Variants in AKAP19 observed in about 807,000 individuals in gnomAD.
The protein encoded by AKAP19 is A-kinase anchoring protein 19, also known as small A-kinase anchoring protein.
At chr2:190,130,288 G>A in the AKAP19 span, among the ~76,000 whole-genome samples, 1 of 152,018 alleles carries the variant, frequency 6.6e-6, no homozygotes, top group Admixed American at 6.6e-5. Context: ...TTTTAACTGG[G>A]GAAAAGGCCT....
the AKAP19 span, among the ~76,000 whole-genome samples, chr2:190,183,614 C>T: frequency 6.6e-6 from 1 of 151,926 alleles, no homozygotes; most frequent in African/African-American, 2.4e-5. Flanking sequence ...CTAATTCTTT[C>T]TTTTAATTTT....
At chr2:190,108,792 T>TG in the AKAP19 span, among the ~76,000 whole-genome samples, 11 of 151,386 alleles carry the variant, frequency 7.3e-5, no homozygotes, top group East Asian at 2.1e-3. Context: ...GGTTTTTTTT[T>TG]TTTTTTTTTT....
the AKAP19 span, among the ~76,000 whole-genome samples, chr2:190,029,749 A>T: frequency 6.6e-6 from 1 of 152,216 alleles, no homozygotes; most frequent in African/African-American, 2.4e-5. Flanking sequence ...TTATTTACAG[A>T]AACAGGCAGC....
the AKAP19 span, among the ~76,000 whole-genome samples, chr2:190,129,231 G>A: frequency 6.6e-6 from 1 of 152,106 alleles, no homozygotes; most frequent in African/African-American, 2.4e-5. Flanking sequence ...TCTGGATTAT[G>A]TCTAAACTTT....
At chr2:189,973,682 G>A in the AKAP19 span, among the ~76,000 whole-genome samples, 8 of 152,106 alleles carry the variant, frequency 5.3e-5, no homozygotes, top group East Asian at 3.9e-4. Flanking sequence ...GGTTATTCAG[G>A]GATTCAACTT....
the AKAP19 span, among the ~76,000 whole-genome samples, chr2:189,943,543 C>T: frequency 1.3e-4 from 20 of 152,336 alleles, no homozygotes; most frequent in Non-Finnish European, 2.6e-4. Flanking sequence ...TTGGAGCCCC[C>T]ACACAGAGTC....
the AKAP19 span, among the ~76,000 whole-genome samples, chr2:190,114,917 A>C: frequency 6.6e-6 from 1 of 151,862 alleles, no homozygotes; most frequent in Admixed American, 6.6e-5. Flanking sequence ...GGAAGCTTTT[A>C]GAATTTTCTT....
the AKAP19 span, among the ~76,000 whole-genome samples, chr2:190,061,935 G>A: frequency 1.3e-5 from 2 of 151,818 alleles, no homozygotes; most frequent in Admixed American, 6.6e-5. Context: ...TGCCTTGGTG[G>A]TATTATTGTG....
At chr2:190,051,255 G>A in the AKAP19 span, among the ~76,000 whole-genome samples, 3 of 152,032 alleles carry the variant, frequency 2.0e-5, no homozygotes, top group Non-Finnish European at 4.4e-5. Flanking sequence ...CATACTCATG[G>A]GTCTTGTCCA....
At chr2:190,042,453 CA>C in the AKAP19 span, among the ~76,000 whole-genome samples, 2 of 148,162 alleles carry the variant, frequency 1.3e-5, no homozygotes, top group Admixed American at 6.7e-5. Context: ...TTTTTTTTTT[CA>C]AAAAAACAAC....
the AKAP19 span, among the ~76,000 whole-genome samples, chr2:190,104,978 GAACA>G: frequency 6.6e-6 from 1 of 152,056 alleles, no homozygotes; most frequent in Middle Eastern, 3.2e-3. Flanking sequence ...ATTAAAAAAT[GAACA>G]AACAGCAAAT....
chr2:190,029,629 G>A, the AKAP19 span, among the ~76,000 whole-genome samples: 1 of 152,260 alleles, frequency 6.6e-6, no homozygotes, highest in Non-Finnish European at 1.5e-5. Flanking sequence ...AACATTTTAA[G>A]TTTTGTGGGT....
At chr2:190,001,783 A>T in the AKAP19 span, among the ~76,000 whole-genome samples, 2 of 152,146 alleles carry the variant, frequency 1.3e-5, no homozygotes, top group Admixed American at 1.3e-4. Context: ...TTAGTCTCCT[A>T]TGTGCACATA....
chr2:190,191,482 T>C, the AKAP19 span, among the ~76,000 whole-genome samples: 5 of 152,222 alleles, frequency 3.3e-5, no homozygotes, highest in African/African-American at 1.2e-4. Context: ...AATTTTCATG[T>C]ATCTAGGGTA....
the AKAP19 span, among the ~76,000 whole-genome samples, chr2:190,192,452 CTGTGTGTG>C: frequency 6.8e-3 from 985 of 145,354 alleles, 10 homozygotes; most frequent in African/African-American, 0.02. Flanking sequence ...AATTCAGAAT[CTGTGTGTG>C]TGTGTGTGTG....
chr2:190,015,998 A>C, the AKAP19 span, among the ~76,000 whole-genome samples: 1 of 152,310 alleles, frequency 6.6e-6, no homozygotes, highest in Admixed American at 6.5e-5. Flanking sequence ...CATTGTCTAC[A>C]TCATCATCAG....
At chr2:189,880,677 G>T in the AKAP19 span, among the ~76,000 whole-genome samples, 1 of 152,328 alleles carries the variant, frequency 6.6e-6, no homozygotes, top group South Asian at 2.1e-4. Context: ...TTTCTTGGAT[G>T]ACTCAGCTTT....
the AKAP19 span, among the ~76,000 whole-genome samples, chr2:190,182,813 G>A: frequency 4.6e-5 from 7 of 152,172 alleles, no homozygotes; most frequent in African/African-American, 7.2e-5. Context: ...TCAAGCAAAG[G>A]AGACAAAAAT....
the AKAP19 span, among the ~76,000 whole-genome samples, chr2:190,191,838 A>G: frequency 4.5e-4 from 68 of 151,996 alleles, no homozygotes; most frequent in Middle Eastern, 3.4e-3. Context: ...GAGTTTTGAT[A>G]CTTATATATT....
Sources: allele counts gnomAD v4.1 joint callset (sites outside exome capture counted in the v4.1 genomes callset), GRCh38; gene constraint gnomAD v4.1.1; transcripts MANE v1.5; gene names NCBI Gene and HGNC (gene_info 2026-07-23, HGNC 2026-07-21).